The following NT5DC1 variants were observed in gnomAD, a reference collection of about 807,000 sequenced individuals.
NT5DC1 encodes 5'-nucleotidase domain containing 1.
Under a neutral mutation model 59.4 loss-of-function variants are expected in NT5DC1, and 42 were observed. That is an observed-to-expected ratio of 0.71 (90% CI 0.55 to 0.92). The LOEUF is 0.92. Ranked by LOEUF, NT5DC1 falls within the 40% of genes least tolerant of loss-of-function variation. The pLI is 0.00. For synonymous variants in NT5DC1, 172 were observed against 188.1 expected, an observed-to-expected ratio of 0.91 and a Z score of 0.70; for missense variants, 501 against 537.1, an observed-to-expected ratio of 0.93 and a Z score of 0.66.
At chr6:116,176,679 C>T (rs1029690929) in intron 6 of NT5DC1, among the ~76,000 whole-genome samples, 4 of 152,160 alleles carry the variant, frequency 2.6e-5, no homozygotes, top group African/African-American at 7.2e-5. Context: ...ACATATTGTC[C>T]TTTATGGTGC....
intron 6 of NT5DC1, among the ~76,000 whole-genome samples, chr6:116,146,775 A>C (rs1400927578): frequency 6.6e-6 from 1 of 152,030 alleles, no homozygotes; most frequent in East Asian, 1.9e-4. Context: ...TGGGAAATTT[A>C]ATGTATGAAA....
intron 4 of NT5DC1, among the ~76,000 whole-genome samples, chr6:116,114,517 T>C (rs1778929351): frequency 9.2e-6 from 1 of 108,598 alleles, no homozygotes; most frequent in African/African-American, 3.6e-5. Flanking sequence ...CTCATATACA[T>C]AGCTTGCAAA....
intron 6 of NT5DC1, among the ~76,000 whole-genome samples, chr6:116,167,140 G>T (rs966811460): frequency 2.0e-5 from 3 of 150,960 alleles, no homozygotes; most frequent in Admixed American, 2.0e-4. Flanking sequence ...TCAACCAAAT[G>T]CATCAGATAT....
chr6:116,115,675 T>A lies in NT5DC1; in HGVS notation c.365-16T>A. Reference sequence around the variant, plus strand: ...GCATTATGTTGTTCCCAGTTTAAAATTTTGTTCTTTTTTAGGAAAGTATTA... The same window carrying A: ...GCATTATGTTGTTCCCAGTTTAAAAATTTGTTCTTTTTTAGGAAAGTATTA... On this transcript the variant is annotated splice_polypyrimidine_tract_variant and intron_variant, in intron 4 of 11. Coordinates refer to ENST00000319550, the MANE Select transcript of NT5DC1 (RefSeq NM_152729.3). 1 of 1,387,774 alleles carries A rather than the reference T, an allele frequency of 7.2e-7. No homozygotes were observed. The highest frequency in any genetic ancestry group is 1.0e-6 in the Non-Finnish European group (1 of 974,292). 86.0% of individuals were successfully genotyped at this position (1,387,774 alleles called of 1,614,324 possible).
At chr6:116,132,045 T>C (rs1245658756) in intron 6 of NT5DC1, among the ~76,000 whole-genome samples, 1 of 152,208 alleles carries the variant, frequency 6.6e-6, no homozygotes, top group African/African-American at 2.4e-5. Flanking sequence ...ATGGGGTATA[T>C]GTACCACATT....
intron 6 of NT5DC1, among the ~76,000 whole-genome samples, chr6:116,153,822 C>T (rs1467953558): frequency 6.6e-6 from 1 of 151,932 alleles, no homozygotes; most frequent in Non-Finnish European, 1.5e-5. Context: ...AGTATTGTTT[C>T]CTTACCTTCT....
intron 6 of NT5DC1, among the ~76,000 whole-genome samples, chr6:116,138,324 A>C (rs569452557): frequency 1.3e-5 from 2 of 152,320 alleles, no homozygotes; most frequent in African/African-American, 4.8e-5. Flanking sequence ...TTTAGGATTT[A>C]TGAGAAACAG....
chr6:116,112,859 A>C lies in NT5DC1; in HGVS notation c.364+1903A>C, dbSNP rs190603206. On this transcript the variant is annotated intron_variant, in intron 4 of 11. Coordinates refer to ENST00000319550, the MANE Select transcript of NT5DC1 (RefSeq NM_152729.3). ...CCTTTATTTTCAGGAACTCCAGTTG[A>C]TTTTATATTTGTAGCTTTCTTCTAC... 6.2e-4 allele frequency among the ~76,000 whole-genome samples: 95 copies of C among 152,312 alleles called. 2 individuals are homozygous for C. In the East Asian group the frequency reaches 8.5e-3, roughly 14 times the overall value.
intron 8 of NT5DC1, among the ~76,000 whole-genome samples, chr6:116,234,530 G>A (rs1782080229): frequency 2.0e-5 from 3 of 150,788 alleles, no homozygotes; most frequent in Admixed American, 6.6e-5. Flanking sequence ...TGAAGAGACT[G>A]TGGTTTCACC....
At chr6:116,222,621 G>A (rs2114542529) in intron 7 of NT5DC1, among the ~76,000 whole-genome samples, 1 of 152,222 alleles carries the variant, frequency 6.6e-6, no homozygotes, top group East Asian at 1.9e-4. Context: ...CTATAATGCT[G>A]CTTTCTGTGG....
At chr6:116,126,740 C>A (rs1779324756) in intron 6 of NT5DC1, among the ~76,000 whole-genome samples, 1 of 152,020 alleles carries the variant, frequency 6.6e-6, no homozygotes, top group Admixed American at 6.6e-5. Flanking sequence ...TTTAGAGTTG[C>A]AGTAGAGTTT....
At position 116,164,438 on chromosome 6, in the gene NT5DC1, A is replaced by T. The variant is rs76852112; in HGVS notation, c.529+46493A>T. The stretch of plus-strand genomic sequence containing the variant: ...CTTTTTTGTTCCCCATTTGCATGAT[A>T]TATCTTTCTCCACCCCTTTACTTTG... On this transcript the variant is annotated intron_variant, in intron 6 of 11. Transcript: ENST00000319550. 5.7e-3 allele frequency among the ~76,000 whole-genome samples: 867 copies of T among 152,238 alleles called. 17 individuals are homozygous for T. Among genetic ancestry groups the T allele is most frequent in the South Asian group, 0.046 (223 of 4,828 alleles).
At chr6:116,212,042 T>A (rs1781590486) in intron 6 of NT5DC1, among the ~76,000 whole-genome samples, 1 of 152,144 alleles carries the variant, frequency 6.6e-6, no homozygotes, top group Admixed American at 6.6e-5. Context: ...ACACATAGAC[T>A]ATCCTATATA....
chr6:116,138,520 G>A (rs1484182229), intron 6 of NT5DC1, among the ~76,000 whole-genome samples: 6 of 152,172 alleles, frequency 3.9e-5, no homozygotes, highest in African/African-American at 1.2e-4. Flanking sequence ...GGCTAGTTCA[G>A]AATTTGCTAA....
At chr6:116,194,772 G>A (rs1781190450) in intron 6 of NT5DC1, among the ~76,000 whole-genome samples, 1 of 151,998 alleles carries the variant, frequency 6.6e-6, no homozygotes, top group African/African-American at 2.4e-5. Context: ...TAAAGGTAGT[G>A]GCTTTTGGGT....
At chr6:116,232,832 T>C (rs949894918) in intron 8 of NT5DC1, among the ~76,000 whole-genome samples, 3 of 152,260 alleles carry the variant, frequency 2.0e-5, no homozygotes, top group Non-Finnish European at 4.4e-5. Flanking sequence ...ATTTACTTCA[T>C]TGTAGTAAGA....
intron 6 of NT5DC1, among the ~76,000 whole-genome samples, chr6:116,195,930 T>G (rs1582867137): frequency 6.6e-6 from 1 of 152,044 alleles, no homozygotes; most frequent in Admixed American, 6.6e-5. Context: ...GGAGAGAGAT[T>G]CCTGCCTCTA....
At chr6:116,170,447 C>G (rs1333404444) in intron 6 of NT5DC1, among the ~76,000 whole-genome samples, 2 of 151,960 alleles carry the variant, frequency 1.3e-5, no homozygotes, top group Non-Finnish European at 2.9e-5. Context: ...GGGAAAGTAC[C>G]AGGTTCATAG....
intron 6 of NT5DC1, among the ~76,000 whole-genome samples, chr6:116,217,051 C>CA (rs1229479865): frequency 6.6e-6 from 1 of 151,960 alleles, no homozygotes; most frequent in Non-Finnish European, 1.5e-5. Flanking sequence ...AAATTCTGGC[C>CA]AAAAATCATG....
Sources: gnomAD v4.1 joint callset for allele counts (sites outside exome capture counted in the v4.1 genomes callset) on GRCh38, gnomAD v4.1.1 for gene constraint, MANE v1.5 for transcripts, NCBI Gene and HGNC (gene_info 2026-07-23, HGNC 2026-07-21) for gene names.